Variants in KLRG1 observed in about 807,000 individuals in gnomAD.
The protein encoded by KLRG1 is killer cell lectin like receptor G1.
In KLRG1, 16 loss-of-function variants were observed where a neutral mutation model predicts 21.8. The ratio of observed to expected loss-of-function variants is 0.73; its 90% CI spans 0.50 to 1.11. The LOEUF is 1.11. Among genes scored for constraint, KLRG1 ranks in the 50% most tolerant of loss-of-function variants. KLRG1 has a pLI of 0.00. For synonymous variants in KLRG1, 69 were observed against 75.9 expected (o/e 0.91, Z 0.47); for missense variants, 173 against 218.3 (o/e 0.79, Z 1.31).
chr12:9,144,596 C>A, the KLRG1 span, among the ~76,000 whole-genome samples: 2 of 152,152 alleles, frequency 1.3e-5, no homozygotes, highest in African/African-American at 2.4e-5. Flanking sequence ...GAGAATAAAC[C>A]TGAGAGGGGC....
At chr12:9,135,495 C>G in the KLRG1 span, 1 of 357,518 alleles carries the variant, frequency 2.8e-6, no homozygotes, top group Non-Finnish European at 5.3e-6. Context: ...AAAACAGCAC[C>G]GACATACAAA....
chr12:9,092,736 A>T, the KLRG1 span, among the ~76,000 whole-genome samples: 1 of 152,232 alleles, frequency 6.6e-6, no homozygotes, highest in Non-Finnish European at 1.5e-5. Flanking sequence ...GGAAACTACC[A>T]TATGTCCCAG....
the KLRG1 span, chr12:9,200,424 A>G: frequency 3.1e-6 from 5 of 1,611,148 alleles, no homozygotes; most frequent in East Asian, 2.2e-5. Flanking sequence ...TGGCACCTGA[A>G]CTTTGACCTC....
Position 8,972,611 on chromosome 12 carries a change from A to G in KLRG1, c.-155-19595A>G, listed in dbSNP as rs142644991. On this transcript the variant is annotated intron_variant, in intron 1 of 4. Transcript: ENST00000539240. ...GCTTTTAGCAACCTTGTCAAAGATC[A>G]TTTAACTGTAAATACGTGGATTTGT... Among the ~76,000 whole-genome samples, 61 of 152,352 alleles carry G rather than the reference A, an allele frequency of 4.0e-4. No homozygotes were observed. In the Middle Eastern group the frequency reaches 0.01, roughly 25 times the overall value.
chr12:9,056,691 G>A, the KLRG1 span, among the ~76,000 whole-genome samples: 3 of 152,038 alleles, frequency 2.0e-5, no homozygotes, highest in Non-Finnish European at 4.4e-5. Context: ...GACTACTACA[G>A]GTGTGTACCA....
chr12:9,195,351 CAT>C, the KLRG1 span, among the ~76,000 whole-genome samples: 1 of 152,080 alleles, frequency 6.6e-6, no homozygotes, highest in African/African-American at 2.4e-5. Flanking sequence ...AGAAAATACA[CAT>C]GAGAATGTTT....
At chr12:9,091,006 T>C in the KLRG1 span, among the ~76,000 whole-genome samples, 2 of 152,072 alleles carry the variant, frequency 1.3e-5, no homozygotes, top group African/African-American at 4.8e-5. Flanking sequence ...AATACTAACT[T>C]TGAAGGGTTA....
the KLRG1 span, among the ~76,000 whole-genome samples, chr12:9,144,727 G>T: frequency 6.6e-6 from 1 of 152,154 alleles, no homozygotes; most frequent in African/African-American, 2.4e-5. Flanking sequence ...GTTTATTGTG[G>T]GGTTGGAATG....
the KLRG1 span, among the ~76,000 whole-genome samples, chr12:9,184,399 G>GC: frequency 6.6e-6 from 1 of 152,188 alleles, no homozygotes; most frequent in Non-Finnish European, 1.5e-5. Flanking sequence ...ACCCACCAGT[G>GC]CCCCACCCCC....
chr12:9,095,140 TA>T, the KLRG1 span: 2 of 887,976 alleles, frequency 2.3e-6, no homozygotes, highest in Non-Finnish European at 3.3e-6. Flanking sequence ...TATACATAGG[TA>T]GCTACTTCTT....
At chr12:9,173,098 G>A in the KLRG1 span, among the ~76,000 whole-genome samples, 1 of 152,182 alleles carries the variant, frequency 6.6e-6, no homozygotes, top group Non-Finnish European at 1.5e-5. Context: ...CTCAGCAAAT[G>A]CACAAGAACT....
At chr12:9,138,436 A>G in the KLRG1 span, among the ~76,000 whole-genome samples, 1 of 151,428 alleles carries the variant, frequency 6.6e-6, no homozygotes, top group Non-Finnish European at 1.5e-5. Flanking sequence ...TTTTGCATCT[A>G]TATTCATCAG....
the KLRG1 span, among the ~76,000 whole-genome samples, chr12:9,190,988 TATG>T: frequency 1.3e-5 from 2 of 152,156 alleles, no homozygotes; most frequent in African/African-American, 4.8e-5. Context: ...ACTATTAAAA[TATG>T]TGGTTAAAAT....
chr12:9,196,642 A>G, the KLRG1 span: 3 of 1,613,854 alleles, frequency 1.9e-6, no homozygotes, highest in Middle Eastern at 5.0e-4. Context: ...AATCTGGAGC[A>G]TTTTGGTGTG....
At chr12:9,058,437 A>T in the KLRG1 span, 1 of 152,150 alleles carries the variant, frequency 6.6e-6, no homozygotes, top group Non-Finnish European at 1.5e-5. Flanking sequence ...AGAAATATTC[A>T]TATGCTCATT....
chr12:9,137,348 C>T, the KLRG1 span, among the ~76,000 whole-genome samples: 2 of 152,008 alleles, frequency 1.3e-5, no homozygotes, highest in Non-Finnish European at 2.9e-5. Flanking sequence ...TTTATGGGTG[C>T]ATTTATTCCT....
the KLRG1 span, chr12:9,068,610 G>T: frequency 1.3e-6 from 1 of 774,134 alleles, no homozygotes; most frequent in Non-Finnish European, 2.1e-6. Flanking sequence ...AGGGGCATCA[G>T]ACTTGATGGA....
the KLRG1 span, chr12:9,152,324 G>C: frequency 1.3e-6 from 2 of 1,597,612 alleles, no homozygotes; most frequent in Non-Finnish European, 1.7e-6. Flanking sequence ...TAGTGTCAAA[G>C]GAAAAAGAAT....
chr12:9,203,659 T>C, the KLRG1 span: 2 of 1,349,200 alleles, frequency 1.5e-6, no homozygotes, highest in Non-Finnish European at 2.1e-6. Flanking sequence ...CCTAACTACA[T>C]TCTTAAAGTC....
Sources: gnomAD v4.1 joint callset for allele counts (sites outside exome capture counted in the v4.1 genomes callset) on GRCh38, gnomAD v4.1.1 for gene constraint, MANE v1.5 for transcripts, NCBI Gene and HGNC (gene_info 2026-07-23, HGNC 2026-07-21) for gene names.